The following MAML3 variants were observed in gnomAD, a reference collection of about 807,000 sequenced individuals.
The protein encoded by MAML3 is mastermind-like protein 3.
MAML3 carries 27 observed loss-of-function variants against 101.9 expected under a neutral mutation model. That is an observed-to-expected ratio of 0.27 (90% CI 0.20 to 0.37). The LOEUF is 0.37. Ranked by LOEUF, MAML3 falls within the 10% of genes least tolerant of loss-of-function variation. MAML3 has a pLI of 1.00. For synonymous variants in MAML3, 501 were observed against 555.9 expected (o/e 0.90, Z 1.39); for missense variants, 1,316 against 1,444.9 (o/e 0.91, Z 1.45).
intron 1 of MAML3, among the ~76,000 whole-genome samples, chr4:140,038,116 A>G (rs1423583931): frequency 1.3e-5 from 2 of 152,262 alleles, no homozygotes; most frequent in Non-Finnish European, 2.9e-5. Flanking sequence ...CAGAAATTCT[A>G]CATGGGTGAA....
intron 1 of MAML3, among the ~76,000 whole-genome samples, chr4:140,023,651 C>A (rs760505247): frequency 3.3e-5 from 5 of 152,172 alleles, no homozygotes; most frequent in Non-Finnish European, 7.4e-5. Context: ...GTTTCTTGTG[C>A]TTTTTCATTT....
At chr4:139,724,217 C>A (rs562842501) in intron 4 of MAML3, among the ~76,000 whole-genome samples, 23 of 152,224 alleles carry the variant, frequency 1.5e-4, no homozygotes, top group African/African-American at 5.3e-4. Context: ...CTACTCAAGA[C>A]CCAGTATTTT....
intron 2 of MAML3, among the ~76,000 whole-genome samples, chr4:139,831,594 T>C (rs1304022957): frequency 1.3e-5 from 2 of 151,872 alleles, no homozygotes; most frequent in African/African-American, 4.8e-5. Context: ...ACCAGAAGAG[T>C]ATTTCTCACC....
intron 1 of MAML3, among the ~76,000 whole-genome samples, chr4:139,966,620 G>T (rs890484093): frequency 1.3e-5 from 2 of 152,142 alleles, no homozygotes; most frequent in African/African-American, 4.8e-5. Context: ...GTTTCTGACC[G>T]ATGCCTGATG....
At chr4:139,795,131 T>A (rs1730489024) in intron 2 of MAML3, among the ~76,000 whole-genome samples, 1 of 152,212 alleles carries the variant, frequency 6.6e-6, no homozygotes, top group Non-Finnish European at 1.5e-5. Context: ...TGTCAGCATG[T>A]CAATAACCCA....
At chr4:139,937,739 A>G (rs1178467580) in intron 1 of MAML3, among the ~76,000 whole-genome samples, 2 of 152,148 alleles carry the variant, frequency 1.3e-5, no homozygotes, top group African/African-American at 2.4e-5. Flanking sequence ...CAGAAACTCC[A>G]CTTTTGGCTG....
intron 2 of MAML3, among the ~76,000 whole-genome samples, chr4:139,842,475 T>C (rs1731378288): frequency 6.6e-6 from 1 of 152,170 alleles, no homozygotes; most frequent in African/African-American, 2.4e-5. Context: ...ACTCATTATC[T>C]AGTTTAATTC....
rs570700966 is a variant in MAML3, at chr4:140,091,537, C to CAAAAAAAAAA, written c.468+61322_468+61323insTTTTTTTTTT. ...TGTAAAACAAAACAAAACAACAAAA[C>CAAAAAAAAAA]AAAAACAAAACAAAAAAAAAAAACA... On this transcript the variant is annotated intron_variant, in intron 1 of 4. Transcript: ENST00000509479. Among the ~76,000 whole-genome samples the CAAAAAAAAAA allele has an allele frequency of 5.3e-3, 376 of 70,884 alleles. 11 individuals carry two copies. The highest frequency in any genetic ancestry group is 7.8e-3 in the Non-Finnish European group (282 of 36,066). 46.5% of individuals were successfully genotyped at this position (70,884 alleles called of 152,430 possible).
intron 2 of MAML3, among the ~76,000 whole-genome samples, chr4:139,732,689 T>C (rs939979551): frequency 1.3e-5 from 2 of 151,976 alleles, no homozygotes; most frequent in Non-Finnish European, 1.5e-5. Flanking sequence ...TTTGGTTACA[T>C]GAGTAAGCAG....
chr4:140,039,890 G>T (rs1196773646), intron 1 of MAML3, among the ~76,000 whole-genome samples: 1 of 152,128 alleles, frequency 6.6e-6, no homozygotes, highest in Non-Finnish European at 1.5e-5. Flanking sequence ...CCTCAAGAAA[G>T]AAATGGAAAC....
At chr4:140,099,214 C>T (rs904190794) in intron 1 of MAML3, among the ~76,000 whole-genome samples, 1 of 147,848 alleles carries the variant, frequency 6.8e-6, no homozygotes, top group African/African-American at 2.5e-5. Context: ...AAACTCTGTT[C>T]ACATTGGAAG....
chr4:139,822,219 TCACCATCACCACCAC>T (rs955269621), intron 2 of MAML3, among the ~76,000 whole-genome samples: 10 of 144,290 alleles, frequency 6.9e-5, no homozygotes, highest in Middle Eastern at 3.7e-3. Flanking sequence ...ATTATCATTA[TCACCATCACCACCAC>T]CACCACCACC....
intron 2 of MAML3, among the ~76,000 whole-genome samples, chr4:139,841,697 G>A (rs1731365228): frequency 6.6e-6 from 1 of 152,134 alleles, no homozygotes; most frequent in African/African-American, 2.4e-5. Flanking sequence ...TCCTATCGCT[G>A]GTCCCCACAA....
intron 2 of MAML3, among the ~76,000 whole-genome samples, chr4:139,875,032 T>G (rs1040470136): frequency 6.6e-6 from 1 of 152,126 alleles, no homozygotes; most frequent in South Asian, 2.1e-4. Flanking sequence ...CTCAATCTCC[T>G]GACCTCGTGA....
intron 2 of MAML3, among the ~76,000 whole-genome samples, chr4:139,791,470 T>G (rs1477542846): frequency 8.1e-6 from 1 of 123,158 alleles, no homozygotes; most frequent in African/African-American, 3.2e-5. Flanking sequence ...GCCACTGCAC[T>G]CCAGCCCAGG....
At chr4:139,894,457 C>G (rs996120897) in intron 1 of MAML3, among the ~76,000 whole-genome samples, 23 of 151,336 alleles carry the variant, frequency 1.5e-4, no homozygotes, top group African/African-American at 3.9e-4. Context: ...CTACAGTGAG[C>G]TGAGATCGTG....
chr4:140,038,625 C>T (rs747642909), intron 1 of MAML3, among the ~76,000 whole-genome samples: 7 of 152,198 alleles, frequency 4.6e-5, no homozygotes, highest in Non-Finnish European at 7.3e-5. Context: ...TGACTTTGGA[C>T]AAGTACTGAA....
At chr4:139,911,538 G>A (rs1032874710) in intron 1 of MAML3, among the ~76,000 whole-genome samples, 7 of 152,096 alleles carry the variant, frequency 4.6e-5, no homozygotes, top group African/African-American at 9.7e-5. Flanking sequence ...TTTTTAAGGC[G>A]GAAAAATATT....
At position 139,824,802 on chromosome 4, in the gene MAML3, G is replaced by A. The variant is rs137984999; in HGVS notation, c.2079+64555C>T. ...AGGCCCTTCAAGCTGTGTAACTGAC[G>A]TGTTCGGATTCCTCCTTGGAGACGC... On this transcript the variant is annotated intron_variant, in intron 2 of 4. Coordinates refer to ENST00000509479, the MANE Select transcript of MAML3 (RefSeq NM_018717.5). Among the ~76,000 whole-genome samples, 900 of 152,176 alleles carry A rather than the reference G, an allele frequency of 5.9e-3. 13 individuals are homozygous for A. The highest frequency in any genetic ancestry group is 0.02 in the African/African-American group (834 of 41,498).
Sources: gnomAD v4.1 joint callset for allele counts (sites outside exome capture counted in the v4.1 genomes callset) on GRCh38, gnomAD v4.1.1 for gene constraint, MANE v1.5 for transcripts, NCBI Gene and HGNC (gene_info 2026-07-23, HGNC 2026-07-21) for gene names.